Variants in RPS17 observed in about 807,000 individuals in gnomAD.
RPS17 encodes small ribosomal subunit protein eS17.
For synonymous variants in RPS17, 75 were observed against 65.6 expected, an observed-to-expected ratio of 1.14 and a Z score of -0.70; for missense variants, 68 against 182.3, an observed-to-expected ratio of 0.37 and a Z score of 3.61.
intron 2 of RPS17, chr15:82,539,755 G>A (rs1335886381): frequency 8.5e-6 from 6 of 710,040 alleles, no homozygotes; most frequent in Non-Finnish European, 1.5e-5. Context: ...CAAAGCAAGA[G>A]GTCTGACGGT....
In RPS17 at chr15:82,539,990, T is replaced by C; in HGVS notation, c.146A>G (p.Lys49Arg). 6.2e-7 allele frequency: 1 copy of C among 1,612,096 alleles called. No individual in the cohort carries two copies. Among genetic ancestry groups the C allele is most frequent in the South Asian group, 1.1e-5 (1 of 90,990 alleles). Residue 49 changes from lysine to arginine, a missense_variant, in exon 2 of 5, where the codon AAG (lysine) becomes AGG (arginine). Transcript: ENST00000647841. ...GGAAGGCCCGACTCACCCTGCTATC[T>C]TGTTGCGGAGCTTTTTGCTGGGGAT... ...AIIPSKKLRN[K>R]IAGYVTHLMK...
chr15:82,538,174 C>T, intron 4 of RPS17, 132 bp downstream of exon 4: 1 of 941,440 alleles, frequency 1.1e-6, no homozygotes, highest in Non-Finnish European at 1.7e-6. Flanking sequence ...GAAAGCAGTC[C>T]AGTTTAGTGG....
rs2034313722 is a variant in RPS17, at chr15:82,539,862, G to A, written c.155+119C>T. On this transcript the variant is annotated intron_variant, in intron 2 of 4. Coordinates refer to ENST00000647841, the MANE Select transcript of RPS17 (RefSeq NM_001021.6). ...ACGCAGAGCTCTAGCCCTTCTCCGG[G>A]ACACCAGGGAGTCTCAGGCTAACGA... 6.0e-6 allele frequency: 9 copies of A among 1,510,654 alleles called. No individual in the cohort carries two copies. The South Asian group carries it at 9.0e-5, about 15-fold the overall frequency. 93.6% of individuals were successfully genotyped at this position (1,510,654 alleles called of 1,614,324 possible). A position where few individuals can be genotyped will look rare whatever the true frequency, so the allele number is the denominator to read the frequency against.
Position 82,537,937 on chromosome 15 carries a change from A to T in RPS17, c.327+369T>A. On this transcript the variant is annotated intron_variant, in intron 4 of 4. Transcript: ENST00000647841. ...TTGTATGTACCTGGAAATGGACCAAAGCTCATTTCTGAGTGGTTAGCATGG... is the reference window on the plus strand; with the variant it reads ...TTGTATGTACCTGGAAATGGACCAATGCTCATTTCTGAGTGGTTAGCATGG... The T allele has an allele frequency of 4.3e-6, 2 of 460,372 alleles. 1 individual carries two copies. Among genetic ancestry groups the T allele is most frequent in the South Asian group, 3.1e-5 (2 of 64,602 alleles). The allele number at this position is 460,372 out of a possible 1,614,324, so 28.5% of individuals were successfully genotyped here.
chr15:82,537,761 G>A, intron 4 of RPS17: 1 of 429,464 alleles, frequency 2.3e-6, no homozygotes, highest in South Asian at 1.7e-5. Flanking sequence ...AACATTTAAT[G>A]ACCATAAAAA....
intron 2 of RPS17, chr15:82,539,758 C>G: frequency 1.4e-6 from 1 of 728,888 alleles, no homozygotes; most frequent in South Asian, 1.6e-5. Context: ...AGCAAGAGGT[C>G]TGACGGTGGC....
intron 4 of RPS17, 102 bp from the exon 5 acceptor site, chr15:82,536,983 G>T: frequency 7.3e-7 from 1 of 1,374,808 alleles, no homozygotes; most frequent in Non-Finnish European, 1.0e-6. Flanking sequence ...TCTCAAGGGG[G>T]TCCAGAGGCG....
intron 4 of RPS17, chr15:82,538,048 AAACC>A: frequency 1.9e-6 from 1 of 538,856 alleles, no homozygotes; most frequent in Non-Finnish European, 3.6e-6. Context: ...GCCAGCTATA[AAACC>A]AAGAACAGAA....
At position 82,538,868 on chromosome 15, in the gene RPS17, CAG is replaced by C. The variant is rs1394423954; in HGVS notation, c.261+10_261+11del. The C allele has an allele frequency of 8.7e-6, 14 of 1,613,524 alleles. No individual in the cohort carries two copies. In the Admixed American group the frequency reaches 2.3e-4, roughly 27 times the overall value. On this transcript the variant is annotated intron_variant, in intron 3 of 4. Transcript: ENST00000647841. ...AGGATTAGCCAGAAGCCCAAATATCCAGAAAGTTTACCTCAGGAACATAATTG... is the reference window on the plus strand; with the variant it reads ...AGGATTAGCCAGAAGCCCAAATATCCAAAGTTTACCTCAGGAACATAATTG...
intron 4 of RPS17, 121 bp downstream of exon 4, chr15:82,538,185 C>G (rs1405557524): frequency 1.8e-6 from 2 of 1,091,924 alleles, no homozygotes; most frequent in Non-Finnish European, 2.8e-6. Flanking sequence ...AGTTTAGTGG[C>G]TACAAGTTTA....
At chr15:82,539,771 C>T in intron 2 of RPS17, 1 of 819,514 alleles carries the variant, frequency 1.2e-6, no homozygotes. Context: ...ACGGTGGCTA[C>T]CTTCGACCCA....
intron 2 of RPS17, chr15:82,539,611 C>G (rs1307229392): frequency 2.4e-6 from 1 of 411,448 alleles, no homozygotes; most frequent in Non-Finnish European, 4.7e-6. Flanking sequence ...ATCGCTTGAA[C>G]CCGGGAGACG....
intron 2 of RPS17, chr15:82,539,583 G>A: frequency 2.4e-6 from 1 of 421,338 alleles, no homozygotes; most frequent in Non-Finnish European, 4.7e-6. Context: ...CAGCTACTGG[G>A]AAGGCTGAGG....
chr15:82,539,226 CT>C, intron 2 of RPS17: 3 of 647,634 alleles, frequency 4.6e-6, no homozygotes, highest in Admixed American at 2.1e-5. Context: ...CCACCCCCAA[CT>C]CGCCCCGCCC....
intron 3 of RPS17, 77 bp downstream of exon 3, chr15:82,538,803 G>C (rs901768334): frequency 1.4e-6 from 2 of 1,453,838 alleles, no homozygotes; most frequent in South Asian, 2.3e-5. Flanking sequence ...ATTCAGCTGA[G>C]GTCCCTTTGG....
intron 4 of RPS17, chr15:82,538,008 G>T: frequency 2.0e-6 from 1 of 489,448 alleles, no homozygotes; most frequent in Non-Finnish European, 4.0e-6. Flanking sequence ...GGCAGATTCA[G>T]CCAGGGCTGA....
In RPS17 at chr15:82,540,422, C is replaced by T; in HGVS notation, c.3+4G>A. On this transcript the variant is annotated splice_donor_region_variant and intron_variant, in intron 1 of 4. Transcript: ENST00000647841. Reference sequence around the variant, plus strand: ...GGATGGCGGCCTCGAGCCAAAACACCTACCATGTTGGCGGGTCCTTGGTAA... The same window carrying T: ...GGATGGCGGCCTCGAGCCAAAACACTTACCATGTTGGCGGGTCCTTGGTAA... 1 of 1,596,484 alleles carries T rather than the reference C, an allele frequency of 6.3e-7. No homozygotes were observed. Among genetic ancestry groups the T allele is most frequent in the Non-Finnish European group, 8.5e-7 (1 of 1,172,750 alleles).
chr15:82,539,485 C>G (rs1030072380), intron 2 of RPS17: 2 of 458,256 alleles, frequency 4.4e-6, no homozygotes, highest in African/African-American at 2.0e-5. Flanking sequence ...GTCAGGTGTT[C>G]GAGACCAGCC....
chr15:82,540,159 C>A (rs1383414477), intron 1 of RPS17, 27 bp from the exon 2 acceptor site: 59 of 1,613,548 alleles, frequency 3.7e-5, no homozygotes, highest in Middle Eastern at 3.5e-4. Context: ...CAGGATCACT[C>A]ACGAGCCAGC....
Sources: gnomAD v4.1 joint callset for allele counts on GRCh38, gnomAD v4.1.1 for gene constraint, MANE v1.5 for transcripts, NCBI Gene and HGNC (gene_info 2026-07-23, HGNC 2026-07-21) for gene names.